HSD3B2: variants seen among roughly 807,000 people sequenced by gnomAD.
HSD3B2 encodes hydroxy-delta-5-steroid dehydrogenase, 3 beta- and steroid delta-isomerase 2, also known as 3 beta-hydroxysteroid dehydrogenase/Delta 5-->4-isomerase type 2.
Under a neutral mutation model 9.9 loss-of-function variants are expected in HSD3B2, and 8 were observed. That is an observed-to-expected ratio of 0.81 (90% CI 0.47 to 1.46). HSD3B2 has a LOEUF of 1.46. Among genes scored for constraint, HSD3B2 ranks in the 40% most tolerant of loss-of-function variants. HSD3B2 has a pLI of 0.00. For missense variants in HSD3B2, 410 were observed against 448.3 expected (o/e 0.91, Z 0.77); for synonymous variants, 221 against 184.5 (o/e 1.20, Z -1.60).
chr1:119,418,391 G>A lies in HSD3B2; in HGVS notation c.143-1027G>A, dbSNP rs116362246. Among the ~76,000 whole-genome samples, 533 of 152,130 alleles carry A rather than the reference G, an allele frequency of 3.5e-3. 7 individuals carry two copies. Among genetic ancestry groups the A allele is most frequent in the African/African-American group, 0.012 (516 of 41,496 alleles). The stretch of plus-strand genomic sequence containing the variant: ...TTTCCTCTCATCCCAGCTCCAGTAG[G>A]TACCAGGACCTTCAAGGTGAGGTCT... On this transcript the variant is annotated intron_variant, in intron 2 of 3. Coordinates refer to ENST00000369416, the MANE Select transcript of HSD3B2 (RefSeq NM_000198.4).
At chr1:119,419,754 A>G in intron 3 of HSD3B2, 172 bp downstream of exon 3, 2 of 673,708 alleles carry the variant, frequency 3.0e-6, no homozygotes, top group Non-Finnish European at 2.6e-6. Flanking sequence ...AGTTTTTTAG[A>G]TGAGAAAACT....
At chr1:119,417,204 A>G (rs1651734886) in intron 2 of HSD3B2, among the ~76,000 whole-genome samples, 1 of 152,178 alleles carries the variant, frequency 6.6e-6, no homozygotes, top group African/African-American at 2.4e-5. Context: ...TGTGCTCTTA[A>G]GTAGTAGTTT....
intron 3 of HSD3B2, among the ~76,000 whole-genome samples, chr1:119,420,655 T>C (rs1206793655): frequency 6.6e-6 from 1 of 152,208 alleles, no homozygotes; most frequent in Non-Finnish European, 1.5e-5. Flanking sequence ...CATGAGGCTG[T>C]CTCTCCAGAA....
chr1:119,422,353 C>G lies in HSD3B2; in HGVS notation c.852C>G (p.Ser284Arg), dbSNP rs151258756. Reference protein sequence around the residue: ...EFGLRLDSRWSLPLTLMYWIG... With the variant: ...EFGLRLDSRWRLPLTLMYWIG... The stretch of plus-strand genomic sequence containing the variant: ...GCCTCCGCCTTGATTCCAGATGGAG[C>G]CTTCCTTTAACCCTGATGTACTGGA... The change falls in exon 4 of 4, where the codon AGC (serine) becomes AGG (arginine). Residue 284 changes from serine to arginine, a missense_variant. Transcript: ENST00000369416. 19 of 1,614,152 alleles carry G rather than the reference C, an allele frequency of 1.2e-5. No individual in the cohort carries two copies. The highest frequency in any genetic ancestry group is 1.6e-5 in the Non-Finnish European group (19 of 1,180,000).
In HSD3B2 at chr1:119,422,667, A is replaced by G. The variant is rs374222089; in HGVS notation, c.*47A>G. 1 of 1,605,550 alleles carries G rather than the reference A, an allele frequency of 6.2e-7. No individual in the cohort carries two copies. Among genetic ancestry groups the G allele is most frequent in the Non-Finnish European group, 8.5e-7 (1 of 1,176,050 alleles). On this transcript the variant is annotated 3_prime_UTR_variant, in exon 4 of 4. Transcript: ENST00000369416. ...CATGTGGGTATTGTTAGGAAATGTC[A>G]TCAAACTCCACCCACCTGGCTTCAT...
chr1:119,421,502 T>TAC (rs1557869655), intron 3 of HSD3B2, among the ~76,000 whole-genome samples: 1 of 125,068 alleles, frequency 8.0e-6, no homozygotes, highest in Non-Finnish European at 1.6e-5. Flanking sequence ...ATAATATATA[T>TAC]ATATATATAC....
chr1:119,419,670 G>C (rs944719634), intron 3 of HSD3B2, 88 bp downstream of exon 3: 1 of 1,304,648 alleles, frequency 7.7e-7, no homozygotes, highest in African/African-American at 1.4e-5. Flanking sequence ...TCACTCCATT[G>C]AACACCTGCT....
intron 2 of HSD3B2, 129 bp from the exon 3 acceptor site, chr1:119,419,289 T>G (rs763072590): frequency 1.4e-4 from 116 of 821,906 alleles, no homozygotes; most frequent in Non-Finnish European, 2.2e-4. Context: ...TTTTATGGAA[T>G]GTAGTACACC....
In HSD3B2 at chr1:119,418,869, C is replaced by T. The variant is rs144408317; in HGVS notation, c.143-549C>T. Among the ~76,000 whole-genome samples, 237 of 152,124 alleles carry T rather than the reference C, an allele frequency of 1.6e-3. 2 individuals carry two copies. The highest frequency in any genetic ancestry group is 4.1e-3 in the African/African-American group (170 of 41,484). On this transcript the variant is annotated intron_variant, in intron 2 of 3. Transcript: ENST00000369416. ...GTTTTGCCATGTTTTCCAGCCAGAC[C>T]TCCACCTCCAGAAATCAAGTGATTC...
intron 2 of HSD3B2, among the ~76,000 whole-genome samples, chr1:119,416,964 T>C: frequency 6.6e-6 from 1 of 152,178 alleles, no homozygotes; most frequent in East Asian, 1.9e-4. Context: ...TGTATGAAGA[T>C]AAAAACAGAG....
At chr1:119,419,664 T>C (rs1415624493) in intron 3 of HSD3B2, 82 bp downstream of exon 3, 8 of 1,341,328 alleles carry the variant, frequency 6.0e-6, no homozygotes, top group Non-Finnish European at 8.5e-6. Context: ...GAGAAGTCAC[T>C]CCATTGAACA....
At position 119,415,419 on chromosome 1, in the gene HSD3B2, G is replaced by A. The variant is rs752085728; in HGVS notation, c.-1G>A. 48 of 1,613,754 alleles carry A rather than the reference G, an allele frequency of 3.0e-5. No homozygotes were observed. Among genetic ancestry groups the A allele is most frequent in the Non-Finnish European group, 4.1e-5 (48 of 1,179,884 alleles). On this transcript the variant is annotated 5_prime_UTR_variant, in exon 2 of 4. Coordinates refer to ENST00000369416, the MANE Select transcript of HSD3B2 (RefSeq NM_000198.4). Reference sequence around the variant, plus strand: ...TTTCCTGCTACTTTGGATTGGCCACGATGGGCTGGAGCTGCCTTGTGACAG... The same window carrying A: ...TTTCCTGCTACTTTGGATTGGCCACAATGGGCTGGAGCTGCCTTGTGACAG...
intron 2 of HSD3B2, 54 bp from the exon 3 acceptor site, chr1:119,419,364 A>G: frequency 6.3e-7 from 1 of 1,591,426 alleles, no homozygotes; most frequent in Non-Finnish European, 8.6e-7. Context: ...TTATCAGAAA[A>G]CTTCCCAGCC....
intron 2 of HSD3B2, 103 bp from the exon 3 acceptor site, chr1:119,419,315 C>T: frequency 9.2e-7 from 1 of 1,082,198 alleles, no homozygotes; most frequent in Non-Finnish European, 1.4e-6. Flanking sequence ...CTCTAATACC[C>T]ACACTCTAAT....
At chr1:119,414,945 GACTCTTTATC>G, upstream of HSD3B2, 1 of 199,540 alleles carries the variant, frequency 5.0e-6, no homozygotes, top group African/African-American at 2.3e-5. Flanking sequence ...CTAAAGCCAA[GACTCTTTATC>G]ACACTGTGGC....
chr1:119,421,510 T>C lies in HSD3B2; in HGVS notation c.308-299T>C, dbSNP rs587596077. Among the ~76,000 whole-genome samples, 198 of 118,788 alleles carry C rather than the reference T, an allele frequency of 1.7e-3. 4 individuals carry two copies. Among genetic ancestry groups the C allele is most frequent in the Admixed American group, 2.3e-3 (24 of 10,528 alleles). 77.9% of individuals were successfully genotyped at this position (118,788 alleles called of 152,430 possible). ...ATATTTTATAATATATATATATATA[T>C]ACACACACGTATACATACACACACA... On this transcript the variant is annotated intron_variant, in intron 3 of 3. Coordinates refer to ENST00000369416, the MANE Select transcript of HSD3B2 (RefSeq NM_000198.4).
At chr1:119,419,687 T>G in intron 3 of HSD3B2, 105 bp downstream of exon 3, 86 of 1,128,340 alleles carry the variant, frequency 7.6e-5, no homozygotes, top group Middle Eastern at 3.9e-4. Context: ...TGCTGAGCTC[T>G]TGGCCAAGTG....
intron 3 of HSD3B2, 163 bp downstream of exon 3, chr1:119,419,745 G>GT (rs1234187318): frequency 3.1e-5 from 22 of 704,940 alleles, no homozygotes; most frequent in Non-Finnish European, 4.7e-5. Context: ...GGTAACCTCA[G>GT]TTTTTTAGAT....
chr1:119,418,976 A>G (rs780535942), intron 2 of HSD3B2, among the ~76,000 whole-genome samples: 1 of 152,160 alleles, frequency 6.6e-6, no homozygotes, highest in Non-Finnish European at 1.5e-5. Context: ...TCCAACATAA[A>G]TAAGGGTTTT....
Sources: gnomAD v4.1 joint callset for allele counts (sites outside exome capture counted in the v4.1 genomes callset) on GRCh38, gnomAD v4.1.1 for gene constraint, MANE v1.5 for transcripts, NCBI Gene and HGNC (gene_info 2026-07-23, HGNC 2026-07-21) for gene names.